The following METTL24 variants were observed in gnomAD, a reference collection of about 807,000 sequenced individuals.
METTL24 encodes probable methyltransferase-like protein 24.
A neutral mutation model predicts 32.7 loss-of-function variants in METTL24; 29 were observed. The observed-to-expected ratio is 0.89, with a 90% CI of 0.66 to 1.21. The LOEUF (loss-of-function observed/expected upper bound fraction) is 1.21, where lower values mean the gene tolerates loss of function less well. Among genes scored for constraint, METTL24 ranks in the 50% most tolerant of loss-of-function variants. METTL24 has a pLI of 0.00. For synonymous variants in METTL24, 163 were observed against 179.5 expected (o/e 0.91, Z 0.73); for missense variants, 439 against 468.1 (o/e 0.94, Z 0.57).
At chr6:110,300,331 G>T (rs908069509) in intron 3 of METTL24, among the ~76,000 whole-genome samples, 9 of 151,754 alleles carry the variant, frequency 5.9e-5, no homozygotes, top group Middle Eastern at 3.2e-3. Flanking sequence ...GCATAATCTG[G>T]AAATACACAA....
chr6:110,321,559 G>A (rs771280679), intron 2 of METTL24, among the ~76,000 whole-genome samples: 2 of 152,150 alleles, frequency 1.3e-5, no homozygotes, highest in Non-Finnish European at 2.9e-5. Context: ...TATCGTTCAT[G>A]TAAAATCAAA....
At chr6:110,328,339 A>G (rs1364600763) in intron 1 of METTL24, among the ~76,000 whole-genome samples, 1 of 152,252 alleles carries the variant, frequency 6.6e-6, no homozygotes, top group Non-Finnish European at 1.5e-5. Context: ...GGCTTCTTCT[A>G]ATGAGAGGCA....
chr6:110,281,153 G>A (rs568521792), intron 4 of METTL24, among the ~76,000 whole-genome samples: 31 of 152,262 alleles, frequency 2.0e-4, no homozygotes, highest in Admixed American at 2.0e-3. Flanking sequence ...TGAAAGATGG[G>A]TGACTTTTTA....
At chr6:110,261,299 A>G (rs1341299041) in intron 4 of METTL24, among the ~76,000 whole-genome samples, 1 of 150,574 alleles carries the variant, frequency 6.6e-6, no homozygotes, top group African/African-American at 2.4e-5. Context: ...GAAAACAAAA[A>G]AAGGCAGGGT....
At chr6:110,256,070 G>C (rs550183783) in intron 4 of METTL24, among the ~76,000 whole-genome samples, 1 of 152,210 alleles carries the variant, frequency 6.6e-6, no homozygotes, top group African/African-American at 2.4e-5. Flanking sequence ...AATAATGAAA[G>C]AATCAGCAGT....
At chr6:110,311,738 T>A (rs1191143286) in intron 3 of METTL24, among the ~76,000 whole-genome samples, 1 of 152,188 alleles carries the variant, frequency 6.6e-6, no homozygotes, top group African/African-American at 2.4e-5. Flanking sequence ...CCTCAAAAAG[T>A]GCTGGGCTTG....
chr6:110,288,667 G>T (rs1242597255), intron 4 of METTL24, among the ~76,000 whole-genome samples: 1 of 152,090 alleles, frequency 6.6e-6, no homozygotes, highest in Non-Finnish European at 1.5e-5. Context: ...GAGAGAAAAA[G>T]AAACAAAAAG....
At chr6:110,254,969 A>G (rs1378756266) in intron 4 of METTL24, among the ~76,000 whole-genome samples, 2 of 152,208 alleles carry the variant, frequency 1.3e-5, no homozygotes, top group Non-Finnish European at 2.9e-5. Flanking sequence ...CAAGAATAGT[A>G]AAAGTCTTTT....
At chr6:110,254,203 C>T in intron 4 of METTL24, 1 of 327,600 alleles carries the variant, frequency 3.1e-6, no homozygotes, top group Non-Finnish European at 5.5e-6. Flanking sequence ...TATCAACAAA[C>T]TGGGCAACTA....
chr6:110,308,914 G>C (rs1200495490), intron 3 of METTL24, among the ~76,000 whole-genome samples: 3 of 152,154 alleles, frequency 2.0e-5, no homozygotes, highest in Non-Finnish European at 4.4e-5. Context: ...TACACAAACA[G>C]AAAATAGAAT....
intron 4 of METTL24, among the ~76,000 whole-genome samples, chr6:110,265,374 T>C (rs1365533540): frequency 6.6e-6 from 1 of 152,164 alleles, no homozygotes; most frequent in African/African-American, 2.4e-5. Context: ...CAGCAATACA[T>C]ACCGTGGTTT....
intron 3 of METTL24, among the ~76,000 whole-genome samples, chr6:110,313,820 C>T (rs1771767435): frequency 6.6e-6 from 1 of 152,186 alleles, no homozygotes; most frequent in South Asian, 2.1e-4. Context: ...CACAGCATAA[C>T]CAGCTTCCCT....
chr6:110,262,180 T>C (rs1267990986), intron 4 of METTL24, among the ~76,000 whole-genome samples: 1 of 152,132 alleles, frequency 6.6e-6, no homozygotes, highest in African/African-American at 2.4e-5. Flanking sequence ...ATCCAGGAGC[T>C]GGTTTTTTGA....
intron 3 of METTL24, among the ~76,000 whole-genome samples, chr6:110,306,100 GAAC>G (rs1453987366): frequency 6.8e-6 from 1 of 147,952 alleles, no homozygotes; most frequent in East Asian, 2.0e-4. Flanking sequence ...AGTGGGAGCT[GAAC>G]AACAAGAACA....
chr6:110,319,210 C>T (rs1029274969), intron 2 of METTL24, among the ~76,000 whole-genome samples: 1 of 152,044 alleles, frequency 6.6e-6, no homozygotes, highest in Non-Finnish European at 1.5e-5. Flanking sequence ...TACAGTACCA[C>T]TATTTTTGAA....
At position 110,310,063 on chromosome 6, in the gene METTL24, C is replaced by T. The variant is rs577405217; in HGVS notation, c.557+5279G>A. ...ATGGTTTTCACATACACTAGACAAACACTCTTCCTGCTGTGTTAAACTATT... is the reference window on the plus strand; with the variant it reads ...ATGGTTTTCACATACACTAGACAAATACTCTTCCTGCTGTGTTAAACTATT... On this transcript the variant is annotated intron_variant, in intron 3 of 4. Coordinates refer to ENST00000338882, the MANE Select transcript of METTL24 (RefSeq NM_001123364.3). 5.8e-4 allele frequency among the ~76,000 whole-genome samples: 89 copies of T among 152,252 alleles called. 1 individual carries two copies. Among genetic ancestry groups the T allele is most frequent in the Admixed American group, 4.7e-3 (72 of 15,302 alleles).
intron 1 of METTL24, among the ~76,000 whole-genome samples, chr6:110,329,179 C>T (rs922358202): frequency 3.3e-5 from 5 of 152,168 alleles, no homozygotes; most frequent in Admixed American, 2.0e-4. Context: ...CATGTTCCCA[C>T]CCCAGTGAGC....
At chr6:110,308,118 C>T (rs1246506579) in intron 3 of METTL24, among the ~76,000 whole-genome samples, 1 of 152,164 alleles carries the variant, frequency 6.6e-6, no homozygotes, top group Non-Finnish European at 1.5e-5. Context: ...GTGGACTGTG[C>T]ACTGAACAAC....
intron 3 of METTL24, among the ~76,000 whole-genome samples, chr6:110,302,232 C>T (rs1195511584): frequency 2.0e-5 from 3 of 151,012 alleles, no homozygotes; most frequent in East Asian, 2.0e-4. Context: ...GAGCCGAGAT[C>T]GTGCCACTGC....
Sources: allele counts gnomAD v4.1 joint callset (sites outside exome capture counted in the v4.1 genomes callset), GRCh38; gene constraint gnomAD v4.1.1; transcripts MANE v1.5; gene names NCBI Gene and HGNC (gene_info 2026-07-23, HGNC 2026-07-21).